The following CELF2 variants were observed in gnomAD, a reference collection of about 807,000 sequenced individuals.
CELF2 encodes the protein CUGBP Elav-like family member 2.
CELF2 carries 8 observed loss-of-function variants against 62.6 expected under a neutral mutation model. That is an observed-to-expected ratio of 0.13 (90% CI 0.07 to 0.23). The LOEUF is 0.23. Among genes scored for constraint, CELF2 ranks in the 10% least tolerant of loss-of-function variants. The pLI is 1.00. For synonymous variants in CELF2, 258 were observed against 250.0 expected (o/e 1.03, Z -0.30); for missense variants, 333 against 671.0 (o/e 0.50, Z 5.56).
At chr10:10,589,796 C>G in the CELF2 span, among the ~76,000 whole-genome samples, 1 of 152,168 alleles carries the variant, frequency 6.6e-6, no homozygotes, top group South Asian at 2.1e-4. Flanking sequence ...GACAGTGAGT[C>G]GCAGAAAGGC....
intron 2 of CELF2, chr10:10,970,943 C>T (rs905229791): frequency 2.0e-4 from 31 of 151,906 alleles, no homozygotes; most frequent in African/African-American, 7.5e-4. Context: ...AAAAAAATCC[C>T]ATAGTCAATT....
At chr10:11,097,807 C>G (rs1304563161) in intron 1 of CELF2, among the ~76,000 whole-genome samples, 1 of 152,236 alleles carries the variant, frequency 6.6e-6, no homozygotes, top group African/African-American at 2.4e-5. Flanking sequence ...TGGTGGATCT[C>G]TCTGGTCAAC....
In CELF2 at chr10:11,110,029, C is replaced by G. The variant is rs572337900; in HGVS notation, c.75-55457C>G. Among the ~76,000 whole-genome samples, 134 of 152,288 alleles carry G rather than the reference C, an allele frequency of 8.8e-4. 2 individuals are homozygous for G. Among genetic ancestry groups the G allele is most frequent in the Non-Finnish European group, 1.5e-3 (99 of 68,028 alleles). ...ATCCCAGCACTTTGAGAGGCTGAGGCAGGAGGATGGCTTGAGCTCGGGAGT... is the reference window on the plus strand; with the variant it reads ...ATCCCAGCACTTTGAGAGGCTGAGGGAGGAGGATGGCTTGAGCTCGGGAGT... On this transcript the variant is annotated intron_variant, in intron 1 of 12. Coordinates refer to ENST00000633077, the MANE Select transcript of CELF2 (RefSeq NM_001326342.2). This position sits in a 1 kb window ranked among gnomAD's most constrained non-coding sequence, Gnocchi z 4.0.
chr10:10,610,630 G>C, the CELF2 span, among the ~76,000 whole-genome samples: 1 of 152,058 alleles, frequency 6.6e-6, no homozygotes, highest in Non-Finnish European at 1.5e-5. Flanking sequence ...AAAGAAAGCG[G>C]GTTTTCTTTA....
At chr10:10,538,017 G>A in the CELF2 span, among the ~76,000 whole-genome samples, 1 of 152,094 alleles carries the variant, frequency 6.6e-6, no homozygotes. Context: ...GGAGGGTTAT[G>A]GGCAAAAGGG....
At chr10:10,952,585 T>C (rs1400363701) in intron 2 of CELF2, among the ~76,000 whole-genome samples, 9 of 152,090 alleles carry the variant, frequency 5.9e-5, no homozygotes, top group Admixed American at 5.9e-4. Flanking sequence ...TGTTTCCTTC[T>C]CTATATAAAT....
the CELF2 span, among the ~76,000 whole-genome samples, chr10:10,538,178 G>T: frequency 1.3e-5 from 2 of 152,156 alleles, no homozygotes; most frequent in East Asian, 3.9e-4. Flanking sequence ...TCCTTCAGTA[G>T]CAGGGTACTA....
chr10:10,525,193 A>G, the CELF2 span, among the ~76,000 whole-genome samples: 39,870 of 152,052 alleles, frequency 0.26, 5,797 homozygotes, highest in Non-Finnish European at 0.34. Context: ...GTTGTTAATA[A>G]CTGCAGTCAC....
At chr10:11,304,062 A>G (rs1381092311) in intron 9 of CELF2, among the ~76,000 whole-genome samples, 1 of 152,198 alleles carries the variant, frequency 6.6e-6, no homozygotes, top group African/African-American at 2.4e-5. Context: ...ACAAGTTACC[A>G]CCAACCTCAT....
At position 11,197,025 on chromosome 10, in the gene CELF2, A is replaced by AAAAGAAAAGAAAGAAAGAAAGAAAGAAAG. The variant is rs2057884583; in HGVS notation, c.272-20393_272-20392insAGAAAGAAAGAAAGAAAGAAAGAAAGAAA. ...AGGAGAAAGAAAGAAAGAAAGAAAG[A>AAAAGAAAAGAAAGAAAGAAAGAAAGAAAG]AAAGAAAGAAAGAAAGAAAGAAAGA... On this transcript the variant is annotated intron_variant, in intron 2 of 12. Coordinates refer to ENST00000633077, the MANE Select transcript of CELF2 (RefSeq NM_001326342.2). Among the ~76,000 whole-genome samples, 6 of 26,132 alleles carry AAAAGAAAAGAAAGAAAGAAAGAAAGAAAG rather than the reference A, an allele frequency of 2.3e-4. 2 individuals carry two copies. The South Asian group carries it at 4.4e-3, about 19-fold the overall frequency. 17.1% of individuals were successfully genotyped at this position (26,132 alleles called of 152,430 possible). A position where few individuals can be genotyped will look rare whatever the true frequency, so the allele number is the denominator to read the frequency against.
chr10:11,168,733 T>A (rs935557021), intron 2 of CELF2, among the ~76,000 whole-genome samples: 3 of 152,118 alleles, frequency 2.0e-5, no homozygotes, highest in African/African-American at 4.8e-5. Context: ...TGAATTAGAT[T>A]TTCCCCCTCA....
chr10:11,176,580 A>G (rs1277593431), intron 2 of CELF2, among the ~76,000 whole-genome samples: 2 of 152,186 alleles, frequency 1.3e-5, no homozygotes, highest in Admixed American at 6.5e-5. Context: ...TGGGTGTGGC[A>G]TTGCTTATAA....
At chr10:10,617,886 A>G in the CELF2 span, among the ~76,000 whole-genome samples, 1 of 151,958 alleles carries the variant, frequency 6.6e-6, no homozygotes, top group East Asian at 1.9e-4. Context: ...CACCCTATTT[A>G]TTTTCCTAAT....
At chr10:11,139,627 G>C (rs570682700) in intron 1 of CELF2, among the ~76,000 whole-genome samples, 1 of 152,164 alleles carries the variant, frequency 6.6e-6, no homozygotes, top group South Asian at 2.1e-4. Context: ...GCTCAAGCTT[G>C]TGAGTTATTT....
the CELF2 span, among the ~76,000 whole-genome samples, chr10:10,541,242 CAAAA>C: frequency 3.5e-5 from 4 of 112,956 alleles, no homozygotes; most frequent in Non-Finnish European, 3.5e-5. Context: ...GACCCCATCT[CAAAA>C]AAAAAAAAAA....
chr10:11,026,367 C>T (rs1437117798), intron 1 of CELF2, among the ~76,000 whole-genome samples: 1 of 152,168 alleles, frequency 6.6e-6, no homozygotes, highest in Non-Finnish European at 1.5e-5. Context: ...AACTTAAATA[C>T]CTACCCGCCT....
At chr10:10,700,183 A>G in the CELF2 span, among the ~76,000 whole-genome samples, 1 of 152,156 alleles carries the variant, frequency 6.6e-6, no homozygotes, top group Non-Finnish European at 1.5e-5. Context: ...GAATCATTGC[A>G]TGGGAAGAGG....
the CELF2 span, among the ~76,000 whole-genome samples, chr10:10,515,993 C>T: frequency 6.6e-6 from 1 of 152,096 alleles, no homozygotes; most frequent in Non-Finnish European, 1.5e-5. Context: ...GTAGTAATAA[C>T]CAGCTCGGGT....
chr10:11,285,232 C>T lies in CELF2; in HGVS notation c.842-3186C>T, dbSNP rs766327714. 6.6e-6 allele frequency among the ~76,000 whole-genome samples: 1 copy of T among 152,026 alleles called. No individual in the cohort carries two copies. The highest frequency in any genetic ancestry group is 6.6e-5 in the Admixed American group (1 of 15,264). On this transcript the variant is annotated intron_variant, in intron 8 of 12. Transcript: ENST00000633077. This position sits in a 1 kb window ranked among gnomAD's most constrained non-coding sequence, Gnocchi z 4.3. The stretch of plus-strand genomic sequence containing the variant: ...CTAACTCTTCTTCTCTCCTTTTGTC[C>T]TCACATCCCTCAGATGCTGGGGATC...
Sources: gnomAD v4.1 joint callset for allele counts (sites outside exome capture counted in the v4.1 genomes callset) on GRCh38, gnomAD v4.1.1 for gene constraint, Gnocchi (gnomAD v3.1) non-coding constraint, MANE v1.5 for transcripts, NCBI Gene and HGNC (gene_info 2026-07-23, HGNC 2026-07-21) for gene names.